Variants in FAR2 observed in about 807,000 individuals in gnomAD.
FAR2 encodes the protein epididymis secretory protein Li 81.
In FAR2, 19 loss-of-function variants were observed where a neutral mutation model predicts 56.0. The observed-to-expected ratio is 0.34, with a 90% confidence interval of 0.24 to 0.50. The LOEUF (loss-of-function observed/expected upper bound fraction) is 0.50. Among genes scored for constraint, FAR2 ranks in the 20% least tolerant of loss-of-function variants. The pLI is 0.98. For missense variants in FAR2, 508 were observed against 642.2 expected (o/e 0.79, Z 2.26); for synonymous variants, 219 against 218.8 (o/e 1.00, Z -0.01).
intron 1 of FAR2, among the ~76,000 whole-genome samples, chr12:29,183,076 T>C (rs1029176873): frequency 6.6e-6 from 1 of 152,092 alleles, no homozygotes; most frequent in Non-Finnish European, 1.5e-5. Context: ...TAAGGCCAAT[T>C]GCATTCCAGT....
At chr12:29,222,535 T>C (rs756226779) in intron 1 of FAR2, among the ~76,000 whole-genome samples, 1 of 152,034 alleles carries the variant, frequency 6.6e-6, no homozygotes, top group Non-Finnish European at 1.5e-5. Context: ...AGGAGAGGAA[T>C]TCTCCTCACT....
At chr12:29,273,372 C>G (rs568840636) in intron 2 of FAR2, among the ~76,000 whole-genome samples, 1 of 152,204 alleles carries the variant, frequency 6.6e-6, no homozygotes, top group Non-Finnish European at 1.5e-5. Flanking sequence ...GCCCCTCCCC[C>G]ACCAACGAGG....
chr12:29,199,191 A>G (rs960137025), intron 1 of FAR2, among the ~76,000 whole-genome samples: 1 of 152,254 alleles, frequency 6.6e-6, no homozygotes, highest in African/African-American at 2.4e-5. Context: ...GCCAGCTCAC[A>G]TATGCCATAG....
chr12:29,265,664 A>T (rs1157781397), intron 1 of FAR2, among the ~76,000 whole-genome samples: 2 of 113,716 alleles, frequency 1.8e-5, no homozygotes, highest in Admixed American at 1.8e-4. Flanking sequence ...AAAATGCACA[A>T]ATGGGATTAC....
chr12:29,161,931 T>C (rs998401817), intron 1 of FAR2, among the ~76,000 whole-genome samples: 1 of 6,350 alleles, frequency 1.6e-4, no homozygotes, highest in Non-Finnish European at 0.014. Flanking sequence ...TCTTCTCTTG[T>C]GATGTCCCCC....
intron 1 of FAR2, among the ~76,000 whole-genome samples, chr12:29,190,101 G>A (rs905120027): frequency 6.6e-6 from 1 of 152,200 alleles, no homozygotes; most frequent in Non-Finnish European, 1.5e-5. Flanking sequence ...CAGCTTTGGA[G>A]GGGAGGATAC....
chr12:29,210,963 C>T (rs943491997), intron 1 of FAR2, among the ~76,000 whole-genome samples: 1 of 151,382 alleles, frequency 6.6e-6, no homozygotes, highest in Non-Finnish European at 1.5e-5. Flanking sequence ...AAAACTATAT[C>T]ATTCTTATAA....
intron 1 of FAR2, among the ~76,000 whole-genome samples, chr12:29,191,883 A>G (rs961472396): frequency 2.6e-5 from 4 of 152,218 alleles, no homozygotes; most frequent in African/African-American, 9.7e-5. Flanking sequence ...CTAGCATCAG[A>G]GCTCACTTCT....
At chr12:29,188,478 A>G (rs1285359933) in intron 1 of FAR2, among the ~76,000 whole-genome samples, 1 of 151,950 alleles carries the variant, frequency 6.6e-6, no homozygotes, top group Non-Finnish European at 1.5e-5. Flanking sequence ...ATAATTTGAT[A>G]ATTTGGGGAT....
intron 1 of FAR2, among the ~76,000 whole-genome samples, chr12:29,165,848 A>G (rs2136581750): frequency 6.6e-6 from 1 of 152,348 alleles, no homozygotes; most frequent in South Asian, 2.1e-4. Flanking sequence ...AATACATGGT[A>G]ATTAAGAAAA....
chr12:29,159,753 T>C (rs1565676829), intron 1 of FAR2, among the ~76,000 whole-genome samples: 1 of 152,188 alleles, frequency 6.6e-6, no homozygotes, highest in Non-Finnish European at 1.5e-5. Context: ...AGCTTTACTT[T>C]CCTTCTGTAT....
chr12:29,253,170 TCTCC>T, intron 1 of FAR2, among the ~76,000 whole-genome samples: 1 of 145,090 alleles, frequency 6.9e-6, no homozygotes, highest in African/African-American at 2.5e-5. Context: ...TGATTCTTTC[TCTCC>T]CTATCTCTCT....
chr12:29,158,685 T>C (rs1389716053), intron 1 of FAR2, among the ~76,000 whole-genome samples: 1 of 152,258 alleles, frequency 6.6e-6, no homozygotes, highest in African/African-American at 2.4e-5. Context: ...CTCCTAGACA[T>C]ACTATATGTT....
chr12:29,186,482 T>C (rs952492159), intron 1 of FAR2, among the ~76,000 whole-genome samples: 9 of 152,156 alleles, frequency 5.9e-5, no homozygotes, highest in African/African-American at 1.9e-4. Flanking sequence ...TTTTAAGGAG[T>C]TGCAAATTGC....
At chr12:29,190,732 G>C (rs1235677477) in intron 1 of FAR2, among the ~76,000 whole-genome samples, 1 of 151,770 alleles carries the variant, frequency 6.6e-6, no homozygotes, top group African/African-American at 2.4e-5. Context: ...CAAAGTGCTG[G>C]GATTACAGGC....
chr12:29,295,756 A>AT (rs61390530), intron 3 of FAR2, among the ~76,000 whole-genome samples: 29,237 of 88,436 alleles, frequency 0.33, 5,159 homozygotes, highest in East Asian at 0.41. Context: ...TTTTTACGTA[A>AT]TTTTTTTTTT....
rs372929379 is a variant in FAR2, at chr12:29,310,385, C to T, written c.769-643C>T. On this transcript the variant is annotated intron_variant, in intron 6 of 11. Transcript: ENST00000536681. ...GCACAAAGAATCAATTTCATAAACT[C>T]AACCAATTATTAACATGAATAATTC... 7.9e-5 allele frequency among the ~76,000 whole-genome samples: 12 copies of T among 152,234 alleles called. No individual in the cohort carries two copies. In the East Asian group the frequency reaches 1.9e-3, roughly 25 times the overall value.
At chr12:29,174,552 C>G (rs921261426) in intron 1 of FAR2, among the ~76,000 whole-genome samples, 30 of 144,938 alleles carry the variant, frequency 2.1e-4, no homozygotes, top group African/African-American at 7.6e-4. Context: ...TCCCAAGTAG[C>G]TGGCACTACA....
chr12:29,260,518 T>G (rs373616305), intron 1 of FAR2, among the ~76,000 whole-genome samples: 3 of 152,274 alleles, frequency 2.0e-5, no homozygotes, highest in African/African-American at 7.2e-5. Flanking sequence ...ACTCTGGGCC[T>G]TAGGTGAGAT....
Sources: gnomAD v4.1 joint callset for allele counts (sites outside exome capture counted in the v4.1 genomes callset) on GRCh38, gnomAD v4.1.1 for gene constraint, MANE v1.5 for transcripts, NCBI Gene and HGNC (gene_info 2026-07-23, HGNC 2026-07-21) for gene names.